PRRC2B: variants seen among roughly 807,000 people sequenced by gnomAD.
The protein encoded by PRRC2B is protein PRRC2B.
PRRC2B carries 68 observed loss-of-function variants against 242.3 expected under a neutral mutation model. The observed-to-expected ratio is 0.28, with a 90% confidence interval of 0.23 to 0.34. The LOEUF is 0.34. Ranked by LOEUF, PRRC2B falls within the 10% of genes least tolerant of loss-of-function variation. The pLI, the probability that PRRC2B is intolerant of heterozygous loss-of-function variation, is 1.00. For missense variants in PRRC2B, 2,835 were observed against 2,954.8 expected (o/e 0.96, Z 0.94); for synonymous variants, 1,228 against 1,173.6 (o/e 1.05, Z -0.95).
chr9:131,442,943 C>T (rs540659651), intron 5 of PRRC2B, among the ~76,000 whole-genome samples: 2 of 152,288 alleles, frequency 1.3e-5, no homozygotes, highest in Admixed American at 1.3e-4. Flanking sequence ...AAGAAATAAA[C>T]TGTTCCCAGG....
At chr9:131,420,453 T>TTCTTTCTTTC (rs1554758580) in intron 1 of PRRC2B, among the ~76,000 whole-genome samples, 9 of 61,056 alleles carry the variant, frequency 1.5e-4, no homozygotes, top group South Asian at 8.5e-4. Flanking sequence ...TTCTTTTTCT[T>TTCTTTCTTTC]TTTCTTTCTT....
At chr9:131,463,937 C>T (rs1336872248) in intron 11 of PRRC2B, among the ~76,000 whole-genome samples, 1 of 147,708 alleles carries the variant, frequency 6.8e-6, no homozygotes, top group Non-Finnish European at 1.5e-5. Flanking sequence ...CTTTGCTAGA[C>T]ATGCTTTTTT....
chr9:131,448,975 A>T (rs948275910), intron 9 of PRRC2B, among the ~76,000 whole-genome samples: 2 of 152,126 alleles, frequency 1.3e-5, no homozygotes, highest in Non-Finnish European at 2.9e-5. Flanking sequence ...CCACCGCTCA[A>T]GGGCCTGCTG....
intron 1 of PRRC2B, among the ~76,000 whole-genome samples, chr9:131,405,921 A>C (rs1837348276): frequency 6.6e-6 from 1 of 152,096 alleles, no homozygotes; most frequent in Non-Finnish European, 1.5e-5. Flanking sequence ...CAGCTTTTAA[A>C]TCTTTTTGAA....
intron 30 of PRRC2B, 114 bp downstream of exon 30, chr9:131,492,374 C>A: frequency 1.3e-6 from 1 of 752,446 alleles, no homozygotes; most frequent in Non-Finnish European, 2.3e-6. Flanking sequence ...CCTGGTCCCT[C>A]TATGGGCCAT....
chr9:131,377,176 G>A (rs1040477053), intron 1 of PRRC2B, among the ~76,000 whole-genome samples: 2 of 151,844 alleles, frequency 1.3e-5, no homozygotes, highest in African/African-American at 4.8e-5. Context: ...GTGCAGTGGC[G>A]CATTCGGGGC....
intron 1 of PRRC2B, among the ~76,000 whole-genome samples, chr9:131,379,526 C>T (rs1486339892): frequency 3.9e-5 from 6 of 151,988 alleles, no homozygotes; most frequent in Non-Finnish European, 8.8e-5. Context: ...TTTTGATTTG[C>T]ATTTCCCTGC....
chr9:131,375,435 A>G (rs996414129), intron 1 of PRRC2B, among the ~76,000 whole-genome samples: 4 of 152,042 alleles, frequency 2.6e-5, no homozygotes, highest in African/African-American at 4.8e-5. Context: ...AAGGGCATTA[A>G]CAGTAGCTGT....
In PRRC2B at chr9:131,498,343, G is replaced by C. The variant is rs566193231; in HGVS notation, c.*2469G>C. 11 of 152,186 alleles carry C rather than the reference G, an allele frequency of 7.2e-5. No individual in the cohort carries two copies. Among genetic ancestry groups the C allele is most frequent in the Non-Finnish European group, 1.5e-4 (10 of 68,026 alleles). The allele number at this position is 152,186 out of a possible 1,614,324, so 9.4% of individuals were successfully genotyped here. On this transcript the variant is annotated 3_prime_UTR_variant, in exon 32 of 32. Transcript: ENST00000683519. Reference sequence around the variant, plus strand: ...TCTGAATTAATTCTGTGCAGGAAAGGCCAGGAAATTGCATGTGAAGTTCGG... The same window carrying C: ...TCTGAATTAATTCTGTGCAGGAAAGCCCAGGAAATTGCATGTGAAGTTCGG...
At position 131,494,592 on chromosome 9, in the gene PRRC2B, G is replaced by A; in HGVS notation, c.6555+106G>A. On this transcript the variant is annotated intron_variant, in intron 31 of 31. Transcript: ENST00000683519. The surrounding 1 kb of genome is among the most constrained non-coding windows in gnomAD (Gnocchi z 4.3). ...CCTATCTGAGCGCCCCCTGTCTAAA[G>A]ACAGCCATGCCCTAGCGGTTAGAGC... The A allele has an allele frequency of 1.5e-6, 1 of 645,500 alleles. No homozygotes were observed. Among genetic ancestry groups the A allele is most frequent in the South Asian group, 1.9e-5 (1 of 51,870 alleles). The allele number at this position is 645,500 out of a possible 1,614,324, so 40.0% of individuals were successfully genotyped here.
intron 1 of PRRC2B, among the ~76,000 whole-genome samples, chr9:131,422,534 G>T (rs1287034340): frequency 6.6e-6 from 1 of 152,230 alleles, no homozygotes; most frequent in African/African-American, 2.4e-5. Flanking sequence ...GAGCCGTAGT[G>T]GTTCCTGGTG....
chr9:131,473,814 G>C, intron 15 of PRRC2B, 90 bp downstream of exon 15: 1 of 979,782 alleles, frequency 1.0e-6, no homozygotes. Context: ...ACCATCCTAG[G>C]AGACACTGCC....
At chr9:131,378,818 A>G (rs1836718776) in intron 1 of PRRC2B, among the ~76,000 whole-genome samples, 1 of 152,062 alleles carries the variant, frequency 6.6e-6, no homozygotes, top group Non-Finnish European at 1.5e-5. Context: ...TCCCATGTTT[A>G]AGTGATTCTC....
Position 131,487,883 on chromosome 9 carries a change from G to C in PRRC2B, c.6012G>C (p.Leu2004=), listed in dbSNP as rs779705472. 2.0e-5 allele frequency: 32 copies of C among 1,612,338 alleles called. 1 individual carries two copies. The East Asian group carries it at 3.6e-4, about 18-fold the overall frequency. The change falls in exon 28 of 32, where the codon CTG becomes CTC. Residue 2004 remains leucine, a synonymous_variant. Transcript: ENST00000683519. This position sits in a 1 kb window ranked among gnomAD's most constrained non-coding sequence, Gnocchi z 5.3. Reference sequence around the variant, plus strand: ...CTCAGGTGTACATGCACCCCAGCCTGTCACCGCCCAGCACCATGATCCTCT... The same window carrying C: ...CTCAGGTGTACATGCACCCCAGCCTCTCACCGCCCAGCACCATGATCCTCT... ...FRSQVYMHPS[L]SPPSTMILSG... is the part of the protein sequence containing the mutation.
In PRRC2B at chr9:131,465,061, G is replaced by A; in HGVS notation, c.1703G>A (p.Gly568Asp). 6.2e-7 allele frequency: 1 copy of A among 1,613,264 alleles called. No individual in the cohort carries two copies. The highest frequency in any genetic ancestry group is 8.5e-7 in the Non-Finnish European group (1 of 1,179,380). ...SAEKASPQEN[G>D]PAVHKGSPEF... ...GAGAAGGCATCTCCCCAGGAAAACGGCCCTGCTGTCCACAAAGGTAAGAGC... is the reference window on the plus strand; with the variant it reads ...GAGAAGGCATCTCCCCAGGAAAACGACCCTGCTGTCCACAAAGGTAAGAGC... The change falls in exon 12 of 32, where the codon GGC becomes GAC. Residue 568 changes from glycine to aspartate, a missense_variant. Coordinates refer to ENST00000683519, the MANE Select transcript of PRRC2B (RefSeq NM_013318.4).
chr9:131,449,981 C>T (rs971193799), intron 9 of PRRC2B, among the ~76,000 whole-genome samples: 1 of 152,166 alleles, frequency 6.6e-6, no homozygotes, highest in African/African-American at 2.4e-5. Flanking sequence ...CTTCACTTTC[C>T]CTATCGAATT....
At chr9:131,416,882 A>C (rs1412005139) in intron 1 of PRRC2B, among the ~76,000 whole-genome samples, 2 of 152,102 alleles carry the variant, frequency 1.3e-5, no homozygotes, top group African/African-American at 4.8e-5. Flanking sequence ...GGGGAAAAAA[A>C]GTTTATTTCA....
At chr9:131,431,916 A>T (rs2131326901) in intron 2 of PRRC2B, among the ~76,000 whole-genome samples, 1 of 151,640 alleles carries the variant, frequency 6.6e-6, no homozygotes, top group East Asian at 1.9e-4. Context: ...ATTTTGTTTT[A>T]AAATTTATTT....
Position 131,441,706 on chromosome 9 carries a change from A to G in PRRC2B, c.470-2479A>G, listed in dbSNP as rs192011460. Reference sequence around the variant, plus strand: ...TGGGGATTTGAGGGTGTTGCCCACAAGTGTTTTCATGACTCTTTGGAATTC... The same window carrying G: ...TGGGGATTTGAGGGTGTTGCCCACAGGTGTTTTCATGACTCTTTGGAATTC... On this transcript the variant is annotated intron_variant, in intron 5 of 31. Coordinates refer to ENST00000683519, the MANE Select transcript of PRRC2B (RefSeq NM_013318.4). 3.3e-5 allele frequency among the ~76,000 whole-genome samples: 5 copies of G among 152,196 alleles called. No individual in the cohort carries two copies. The East Asian group carries it at 5.8e-4, about 18-fold the overall frequency.
Sources: allele counts gnomAD v4.1 joint callset (sites outside exome capture counted in the v4.1 genomes callset), GRCh38; gene constraint gnomAD v4.1.1; non-coding constraint Gnocchi (gnomAD v3.1); transcripts MANE v1.5; gene names NCBI Gene and HGNC (gene_info 2026-07-23, HGNC 2026-07-21).